Variants in DPP3 observed in about 807,000 individuals in gnomAD.
DPP3 encodes the protein DPP III.
A neutral mutation model predicts 89.8 loss-of-function variants in DPP3; 64 were observed. That is an observed-to-expected ratio of 0.71 (90% CI 0.58 to 0.88). DPP3 has a LOEUF of 0.88. Ranked by LOEUF, DPP3 falls within the 40% of genes least tolerant of loss-of-function variation. DPP3 has a pLI of 0.00. For missense variants in DPP3, 835 were observed against 972.5 expected (o/e 0.86, Z 1.88); for synonymous variants, 377 against 404.3 (o/e 0.93, Z 0.81).
In DPP3 at chr11:66,487,899, C is replaced by T. The variant is rs1330662798; in HGVS notation, c.574-15C>T. The T allele has an allele frequency of 1.2e-6, 2 of 1,613,124 alleles. No homozygotes were observed. The highest frequency in any genetic ancestry group is 1.7e-6 in the Non-Finnish European group (2 of 1,179,296). On this transcript the variant is annotated splice_polypyrimidine_tract_variant and intron_variant, in intron 5 of 17. Coordinates refer to ENST00000531863, the MANE Select transcript of DPP3 (RefSeq NM_130443.4). ...TCCAGACTTCACTCTTAACCCCTGTCCTGGTCTCTTCTAGAACCTCAGTGC... is the reference window on the plus strand; with the variant it reads ...TCCAGACTTCACTCTTAACCCCTGTTCTGGTCTCTTCTAGAACCTCAGTGC...
chr11:66,491,839 C>T, intron 9 of DPP3, 83 bp downstream of exon 9: 2 of 1,450,174 alleles, frequency 1.4e-6, no homozygotes, highest in East Asian at 2.3e-5. Context: ...GATGGTTCTC[C>T]CCACCCCCGC....
At chr11:66,488,528 C>T (rs1855295596) in intron 6 of DPP3, among the ~76,000 whole-genome samples, 2 of 149,656 alleles carry the variant, frequency 1.3e-5, no homozygotes, top group Non-Finnish European at 3.0e-5. Flanking sequence ...TACCACTGCA[C>T]TCCAACCTGG....
At chr11:66,483,193 A>ATTTTTTTT (rs1333708484) in intron 2 of DPP3, 1 of 151,906 alleles carries the variant, frequency 6.6e-6, no homozygotes, top group African/African-American at 2.4e-5. Flanking sequence ...CACCGGGCTA[A>ATTTTTTTT]TTTTTGTATT....
rs1021912890 is a variant in DPP3, at chr11:66,508,679, C to G, written c.2042-400C>G. Among the ~76,000 whole-genome samples, 7 of 152,058 alleles carry G rather than the reference C, an allele frequency of 4.6e-5. No individual in the cohort carries two copies. The South Asian group carries it at 1.2e-3, about 27-fold the overall frequency. On this transcript the variant is annotated intron_variant, in intron 17 of 17. Transcript: ENST00000531863. ...CTGGGACTACAGGCTCATGCCACCACGCCCAGCTAATTTTTTTGTATGTTT... is the reference window on the plus strand; with the variant it reads ...CTGGGACTACAGGCTCATGCCACCAGGCCCAGCTAATTTTTTTGTATGTTT...
intron 16 of DPP3, among the ~76,000 whole-genome samples, chr11:66,498,975 C>T (rs952583907): frequency 6.6e-6 from 1 of 152,170 alleles, no homozygotes; most frequent in Admixed American, 6.6e-5. Flanking sequence ...ATCACCACTG[C>T]ACTCTAGCCT....
chr11:66,491,089 T>G (rs536401736), intron 6 of DPP3, among the ~76,000 whole-genome samples, 164 bp from the exon 7 acceptor site: 2 of 152,286 alleles, frequency 1.3e-5, no homozygotes, highest in South Asian at 4.1e-4. Context: ...TTTTTGAAGT[T>G]GAGAGTTTAT....
rs1855272552 is a variant in DPP3, at chr11:66,487,820, A to G, written c.574-94A>G. On this transcript the variant is annotated intron_variant, in intron 5 of 17. Coordinates refer to ENST00000531863, the MANE Select transcript of DPP3 (RefSeq NM_130443.4). ...AGAAGGCCCAGCCTGCTTTGCCTCC[A>G]TGCCTTCTCCCCTAGGGTTGACCCA... 3.4e-6 allele frequency: 4 copies of G among 1,176,908 alleles called. No individual in the cohort carries two copies. The African/African-American group carries it at 4.6e-5, about 13-fold the overall frequency. 72.9% of individuals were successfully genotyped at this position (1,176,908 alleles called of 1,614,324 possible).
chr11:66,486,694 C>G lies in DPP3; in HGVS notation c.498+17C>G. 1 of 1,489,464 alleles carries G rather than the reference C, an allele frequency of 6.7e-7. No homozygotes were observed. Among genetic ancestry groups the G allele is most frequent in the African/African-American group, 1.4e-5 (1 of 70,008 alleles). The allele number at this position is 1,489,464 out of a possible 1,614,324, so 92.3% of individuals were successfully genotyped here. On this transcript the variant is annotated intron_variant, in intron 4 of 17. Coordinates refer to ENST00000531863, the MANE Select transcript of DPP3 (RefSeq NM_130443.4). ...GGGAAGGAGGTGAGGCCCCTGACTC[C>G]CCCGAGGGGACAGGGAGTGGAGGGA...
At chr11:66,490,590 C>G (rs1200347944) in intron 6 of DPP3, among the ~76,000 whole-genome samples, 1 of 152,042 alleles carries the variant, frequency 6.6e-6, no homozygotes, top group Non-Finnish European at 1.5e-5. Context: ...CAGTCTGCCA[C>G]TTGCTATCCA....
At chr11:66,508,854 G>A (rs973719079) in intron 17 of DPP3, among the ~76,000 whole-genome samples, 1 of 152,116 alleles carries the variant, frequency 6.6e-6, no homozygotes, top group Non-Finnish European at 1.5e-5. Context: ...CTGAATGAAC[G>A]AAAGCAGCAA....
chr11:66,506,987 T>C (rs183125330), intron 17 of DPP3, among the ~76,000 whole-genome samples: 6 of 152,226 alleles, frequency 3.9e-5, no homozygotes, highest in African/African-American at 9.6e-5. Flanking sequence ...CAGTGCCTCA[T>C]GCACAGCCTG....
Position 66,491,389 on chromosome 11 carries a change from A to T in DPP3, c.798+6A>T. The T allele has an allele frequency of 1.2e-6, 2 of 1,613,276 alleles. No homozygotes were observed. Among genetic ancestry groups the T allele is most frequent in the Non-Finnish European group, 1.7e-6 (2 of 1,179,550 alleles). ...AGCAGCTGGAGAAAGCCAAGGTTGG[A>T]CTGGCTGGGGGCTGAGGGGTGCGGG... On this transcript the variant is annotated splice_donor_region_variant and intron_variant, in intron 7 of 17. Transcript: ENST00000531863.
chr11:66,508,895 T>C (rs544421735), intron 17 of DPP3, among the ~76,000 whole-genome samples, 184 bp from the exon 18 acceptor site: 2 of 152,334 alleles, frequency 1.3e-5, no homozygotes, highest in East Asian at 3.9e-4. Flanking sequence ...TAGTATTTCC[T>C]TCCTCACAGG....
At chr11:66,489,009 G>C (rs1264578289) in intron 6 of DPP3, among the ~76,000 whole-genome samples, 1 of 152,154 alleles carries the variant, frequency 6.6e-6, no homozygotes, top group Non-Finnish European at 1.5e-5. Context: ...GGGATTGCAG[G>C]TGCCCATCAC....
chr11:66,492,930 C>T lies in DPP3; in HGVS notation c.1183+20C>T, dbSNP rs367690494. The T allele has an allele frequency of 2.5e-6, 4 of 1,596,968 alleles. No individual in the cohort carries two copies. The East Asian group carries it at 6.7e-5, about 27-fold the overall frequency. ...CCAACTGTGAGTGTCTCAGGCCCAG[C>T]CCCCGAGCCCCAGAAACCTTCCTTT... On this transcript the variant is annotated intron_variant, in intron 10 of 17. Transcript: ENST00000531863.
intron 17 of DPP3, among the ~76,000 whole-genome samples, chr11:66,506,785 T>A (rs1356172613): frequency 6.6e-6 from 1 of 152,148 alleles, no homozygotes; most frequent in Non-Finnish European, 1.5e-5. Context: ...TCTTTGCCTG[T>A]CTGGTTCTTT....
At chr11:66,480,630 TAAC>T in intron 1 of DPP3, 165 bp downstream of exon 1, 1 of 758,058 alleles carries the variant, frequency 1.3e-6, no homozygotes, top group South Asian at 2.9e-5. Flanking sequence ...AGCAAAGAGT[TAAC>T]AGCCCTTTCC....
chr11:66,499,302 G>T (rs1466464195), intron 16 of DPP3, among the ~76,000 whole-genome samples: 2 of 151,232 alleles, frequency 1.3e-5, no homozygotes, highest in East Asian at 2.0e-4. Flanking sequence ...GGCGGAGGTT[G>T]CAGTGAGCCG....
In DPP3 at chr11:66,509,617, A is replaced by G. The variant is rs116201101; in HGVS notation, c.*366A>G. The G allele has an allele frequency of 2.3e-3, 1,357 of 595,890 alleles. 16 individuals carry two copies. The highest frequency in any genetic ancestry group is 0.023 in the African/African-American group (1,231 of 54,530). 36.9% of individuals were successfully genotyped at this position (595,890 alleles called of 1,614,324 possible). ...CCAAATCCAATGCTCCTCACATATTAATTTTATAACCAGACAAATAAATAT... is the reference window on the plus strand; with the variant it reads ...CCAAATCCAATGCTCCTCACATATTGATTTTATAACCAGACAAATAAATAT... On this transcript the variant is annotated 3_prime_UTR_variant, in exon 18 of 18. Coordinates refer to ENST00000531863, the MANE Select transcript of DPP3 (RefSeq NM_130443.4).
Sources: allele counts gnomAD v4.1 joint callset (sites outside exome capture counted in the v4.1 genomes callset), GRCh38; gene constraint gnomAD v4.1.1; transcripts MANE v1.5; gene names NCBI Gene and HGNC (gene_info 2026-07-23, HGNC 2026-07-21).